The following IQCM variants were observed in gnomAD, a reference collection of about 807,000 sequenced individuals.
IQCM encodes IQ domain-containing protein M.
IQCM carries 45 observed loss-of-function variants against 57.6 expected under a neutral mutation model. The observed-to-expected ratio is 0.78, with a 90% confidence interval of 0.62 to 1.00. IQCM has a LOEUF of 1.00. Among genes scored for constraint, IQCM ranks in the 50% least tolerant of loss-of-function variants. The pLI is 0.00. For synonymous variants in IQCM, 148 were observed against 158.9 expected, an observed-to-expected ratio of 0.93 and a Z score of 0.51; for missense variants, 468 against 511.6, an observed-to-expected ratio of 0.91 and a Z score of 0.82.
chr4:149,620,616 T>A (rs1178030033), intron 8 of IQCM, among the ~76,000 whole-genome samples: 3 of 152,238 alleles, frequency 2.0e-5, no homozygotes, highest in Admixed American at 6.5e-5. Flanking sequence ...TAGGACTTGC[T>A]TTGAGAAATA....
chr4:149,419,195 G>T (rs1004620538), intron 13 of IQCM, among the ~76,000 whole-genome samples: 2 of 152,024 alleles, frequency 1.3e-5, no homozygotes, highest in African/African-American at 4.8e-5. Flanking sequence ...ACAATCCTAA[G>T]CAAAAAGAAC....
intron 12 of IQCM, among the ~76,000 whole-genome samples, chr4:149,525,080 AG>A (rs770476112): frequency 2.6e-5 from 4 of 151,846 alleles, no homozygotes; most frequent in Non-Finnish European, 5.9e-5. Context: ...CTAATCTTTA[AG>A]GAAAAATAAT....
rs145913583 is a variant in IQCM, at chr4:149,769,619, TA to T, written c.-48-26881del. 1.7e-3 allele frequency among the ~76,000 whole-genome samples: 257 copies of T among 148,912 alleles called. 1 individual carries two copies. The highest frequency in any genetic ancestry group is 6.2e-3 in the African/African-American group (252 of 40,546). ...GTAGACCACGCCACAGTAATCAAAATAAAAAAATGGAGTAGCTATATTAATA... is the reference window on the plus strand; with the variant it reads ...GTAGACCACGCCACAGTAATCAAAATAAAAAATGGAGTAGCTATATTAATA... On this transcript the variant is annotated intron_variant, in intron 2 of 13. Coordinates refer to ENST00000636793, the MANE Select transcript of IQCM (RefSeq NM_001363507.2).
chr4:149,658,234 AC>A (rs1347595555), intron 7 of IQCM, among the ~76,000 whole-genome samples: 2 of 149,826 alleles, frequency 1.3e-5, no homozygotes, highest in African/African-American at 4.9e-5. Flanking sequence ...CCAATTTCCC[AC>A]CACTGTGTAT....
intron 12 of IQCM, among the ~76,000 whole-genome samples, chr4:149,533,504 G>A (rs4435728): frequency 0.76 from 114,982 of 151,984 alleles, 43,971 homozygotes; most frequent in South Asian, 0.9. Flanking sequence ...GTATTGGACT[G>A]TTCTCACGCT....
chr4:149,427,722 T>C (rs976645493), intron 13 of IQCM, among the ~76,000 whole-genome samples: 14 of 151,934 alleles, frequency 9.2e-5, no homozygotes. Context: ...CTCAGCCATG[T>C]AAACATAAAA....
chr4:149,616,059 A>G (rs1755765607), intron 8 of IQCM, among the ~76,000 whole-genome samples: 2 of 152,150 alleles, frequency 1.3e-5, no homozygotes, highest in Admixed American at 1.3e-4. Flanking sequence ...CAAAAAATTA[A>G]ACAGAGAAAT....
intron 12 of IQCM, among the ~76,000 whole-genome samples, chr4:149,507,357 A>C (rs374032360): frequency 1.1e-4 from 16 of 152,234 alleles, no homozygotes; most frequent in East Asian, 3.8e-4. Flanking sequence ...AGAAGAAGAC[A>C]GGGAAATGTA....
intron 2 of IQCM, chr4:149,790,097 T>C: frequency 1.5e-6 from 1 of 669,978 alleles, no homozygotes; most frequent in Non-Finnish European, 2.4e-6. Flanking sequence ...ATCCTCACCA[T>C]TAAAAAAAGA....
intron 12 of IQCM, among the ~76,000 whole-genome samples, chr4:149,532,587 T>G (rs1206358530): frequency 2.6e-5 from 4 of 151,336 alleles, no homozygotes; most frequent in African/African-American, 9.7e-5. Flanking sequence ...GAGGACTATG[T>G]GGGGGCATAT....
chr4:149,646,104 G>A (rs1446562688), intron 7 of IQCM, among the ~76,000 whole-genome samples: 1 of 152,168 alleles, frequency 6.6e-6, no homozygotes, highest in African/African-American at 2.4e-5. Flanking sequence ...GGGAGAAGGG[G>A]TCTAAGTTTT....
intron 12 of IQCM, among the ~76,000 whole-genome samples, chr4:149,494,957 T>C (rs970049695): frequency 6.6e-6 from 1 of 152,086 alleles, no homozygotes; most frequent in Non-Finnish European, 1.5e-5. Flanking sequence ...CATGGTCTAC[T>C]GTAGTAAGAG....
chr4:149,672,254 C>T (rs1761360951), intron 7 of IQCM, among the ~76,000 whole-genome samples: 1 of 152,146 alleles, frequency 6.6e-6, no homozygotes, highest in African/African-American at 2.4e-5. Context: ...AGCAACGGAA[C>T]AAAGCTGGAC....
intron 12 of IQCM, among the ~76,000 whole-genome samples, chr4:149,481,701 G>GTTTTTTTTTTTTTGTTTTTTGTTTTTTT (rs1740834048): frequency 1.9e-5 from 1 of 51,550 alleles, no homozygotes; most frequent in Admixed American, 2.5e-4. Context: ...TTCCAGTTTT[G>GTTTTTTTTTTTTTGTTTTTTGTTTTTTT]TTTTTTTTTT....
intron 3 of IQCM, among the ~76,000 whole-genome samples, chr4:149,736,417 A>C (rs1291563715): frequency 6.6e-6 from 1 of 152,184 alleles, no homozygotes; most frequent in African/African-American, 2.4e-5. Flanking sequence ...GAATTGTATC[A>C]GTGGATCCTG....
chr4:149,714,546 G>C (rs1326724087), intron 5 of IQCM, among the ~76,000 whole-genome samples: 1 of 152,092 alleles, frequency 6.6e-6, no homozygotes, highest in East Asian at 1.9e-4. Flanking sequence ...TCTGAGGGTG[G>C]ATACATTGAA....
chr4:149,620,371 G>A lies in IQCM; in HGVS notation c.681+758C>T, dbSNP rs183953274. ...ATTTTGTAATAACAGCAAATGGCAA[G>A]TCCAGGAAAAAAAAATCAGTGATAT... On this transcript the variant is annotated intron_variant, in intron 8 of 13. Transcript: ENST00000636793. Among the ~76,000 whole-genome samples, 199 of 151,678 alleles carry A rather than the reference G, an allele frequency of 1.3e-3. 1 individual carries two copies. The highest frequency in any genetic ancestry group is 2.0e-3 in the Non-Finnish European group (138 of 67,920).
intron 13 of IQCM, among the ~76,000 whole-genome samples, chr4:149,377,184 G>A (rs1050502770): frequency 1.3e-5 from 2 of 151,902 alleles, no homozygotes; most frequent in Non-Finnish European, 2.9e-5. Context: ...AACATTGGCC[G>A]ATTTGATAGG....
intron 5 of IQCM, among the ~76,000 whole-genome samples, chr4:149,703,348 T>A (rs1330671445): frequency 1.3e-5 from 2 of 151,916 alleles, no homozygotes; most frequent in East Asian, 3.9e-4. Flanking sequence ...TAATTCTTAT[T>A]CATGTTAACA....
Sources: allele counts gnomAD v4.1 joint callset (sites outside exome capture counted in the v4.1 genomes callset), GRCh38; gene constraint gnomAD v4.1.1; transcripts MANE v1.5; gene names NCBI Gene and HGNC (gene_info 2026-07-23, HGNC 2026-07-21).